DOCK2: variants seen among roughly 807,000 people sequenced by gnomAD.
DOCK2 encodes dedicator of cytokinesis 2, also known as dedicator of cytokinesis protein 2.
Under a neutral mutation model 248.9 loss-of-function variants are expected in DOCK2, and 87 were observed. That is an observed-to-expected ratio of 0.35 (90% CI 0.29 to 0.42). The LOEUF is 0.42. Ranked by LOEUF, DOCK2 falls within the 10% of genes least tolerant of loss-of-function variation. The pLI, the probability that DOCK2 is intolerant of heterozygous loss-of-function variation, is 1.00. For synonymous variants in DOCK2, 805 were observed against 821.6 expected, an observed-to-expected ratio of 0.98 and a Z score of 0.35; for missense variants, 1,747 against 2,300.2, an observed-to-expected ratio of 0.76 and a Z score of 4.92.
intron 27 of DOCK2, among the ~76,000 whole-genome samples, chr5:169,930,413 C>T (rs1355734463): frequency 2.0e-5 from 3 of 152,154 alleles, no homozygotes; most frequent in Non-Finnish European, 4.4e-5. Context: ...ACCTCAGAGC[C>T]TCTTAGGGTA....
chr5:169,964,319 G>A (rs1339474737), intron 27 of DOCK2, among the ~76,000 whole-genome samples: 1 of 152,124 alleles, frequency 6.6e-6, no homozygotes. Context: ...AAGTTGCTCC[G>A]CTCCCACCCC....
chr5:169,652,206 TG>T (rs1757846126), intron 1 of DOCK2, among the ~76,000 whole-genome samples: 1 of 152,222 alleles, frequency 6.6e-6, no homozygotes, highest in Non-Finnish European at 1.5e-5. Context: ...ATCCTTCCTC[TG>T]GTGGGCACAG....
intron 25 of DOCK2, among the ~76,000 whole-genome samples, chr5:169,778,710 A>T (rs997708876): frequency 3.9e-5 from 6 of 152,240 alleles, no homozygotes; most frequent in Non-Finnish European, 8.8e-5. Flanking sequence ...TTGAGCTGAA[A>T]GGAATGTTAG....
chr5:169,806,968 C>T (rs371112021), intron 26 of DOCK2, among the ~76,000 whole-genome samples: 11 of 150,962 alleles, frequency 7.3e-5, no homozygotes, highest in African/African-American at 1.7e-4. Context: ...TTCTTGGGTG[C>T]GGCACAAGAG....
intron 41 of DOCK2, among the ~76,000 whole-genome samples, chr5:170,051,863 C>G (rs563702543): frequency 2.6e-5 from 4 of 152,268 alleles, no homozygotes; most frequent in Admixed American, 2.6e-4. Context: ...AGAGAAGTAG[C>G]CAGCTCACTT....
At chr5:169,992,380 A>T (rs996428326) in intron 29 of DOCK2, among the ~76,000 whole-genome samples, 10 of 152,352 alleles carry the variant, frequency 6.6e-5, no homozygotes, top group Non-Finnish European at 1.0e-4. Context: ...GTTTTCAACA[A>T]TTCAGGTTCA....
At chr5:169,704,710 T>G (rs1761151861) in intron 14 of DOCK2, among the ~76,000 whole-genome samples, 1 of 152,098 alleles carries the variant, frequency 6.6e-6, no homozygotes, top group African/African-American at 2.4e-5. Context: ...ATGATGTGAT[T>G]TTTATGCATT....
chr5:169,805,157 T>G (rs185022407), intron 26 of DOCK2, among the ~76,000 whole-genome samples: 2 of 150,502 alleles, frequency 1.3e-5, no homozygotes, highest in Non-Finnish European at 3.0e-5. Flanking sequence ...GGGAGGAGGA[T>G]TACTTGAGGC....
intron 27 of DOCK2, among the ~76,000 whole-genome samples, chr5:169,945,669 A>G (rs1222276276): frequency 6.6e-6 from 1 of 152,186 alleles, no homozygotes; most frequent in Non-Finnish European, 1.5e-5. Flanking sequence ...CACGGGTACT[A>G]GGAAGGAGTA....
In DOCK2 at chr5:169,924,251, G is replaced by C. The variant is rs1026794001; in HGVS notation, c.2800-58817G>C. Among the ~76,000 whole-genome samples the C allele has an allele frequency of 3.3e-5, 5 of 152,140 alleles. No individual in the cohort carries two copies. The East Asian group carries it at 9.6e-4, about 29-fold the overall frequency. ...ACACACTAGCTCTGGCCCTGAGCTG[G>C]GAGTAAATGAGGTCAGGCCAAGAGA... On this transcript the variant is annotated intron_variant, in intron 27 of 51. Transcript: ENST00000520908.
rs540504179 is a variant in DOCK2 at position 170,081,428 on chromosome 5, C to T, written c.5288-414C>T. On this transcript the variant is annotated intron_variant, in intron 50 of 51. Transcript: ENST00000520908. ...GGCTGTAACCACTAGGTCATCTGGC[C>T]CCTCCACCAGGTGACACGTGGGTTT... 5.8e-5 allele frequency: 10 copies of T among 172,988 alleles called. No individual in the cohort carries two copies. The South Asian group carries it at 1.4e-3, about 25-fold the overall frequency. The allele number at this position is 172,988 out of a possible 1,614,324, so 10.7% of individuals were successfully genotyped here.
chr5:169,759,985 G>C (rs1420894933), intron 24 of DOCK2, among the ~76,000 whole-genome samples: 1 of 152,128 alleles, frequency 6.6e-6, no homozygotes, highest in African/African-American at 2.4e-5. Flanking sequence ...TGTATAATAA[G>C]CATCCCTCTT....
chr5:169,925,460 A>G (rs944585906), intron 27 of DOCK2, among the ~76,000 whole-genome samples: 13 of 151,872 alleles, frequency 8.6e-5, no homozygotes, highest in Admixed American at 5.9e-4. Context: ...TGCACCTGTA[A>G]TCCCAGCTAC....
rs759405150 is a variant in DOCK2, at chr5:170,045,902, C to G, written c.3963C>G (p.Asn1321Lys). 11 of 1,614,014 alleles carry G rather than the reference C, an allele frequency of 6.8e-6. No individual in the cohort carries two copies. Among genetic ancestry groups the G allele is most frequent in the Non-Finnish European group, 8.5e-6 (10 of 1,180,000 alleles). ...TTGACTATGAGCTGCTCAGCCAGAACCTGGTAAGGCATCCCCTGGGAAGGC... is the reference window on the plus strand; with the variant it reads ...TTGACTATGAGCTGCTCAGCCAGAAGCTGGTAAGGCATCCCCTGGGAAGGC... ...EIFDYELLSQNLIQQAKFYES... is the reference protein window; with the variant it reads ...EIFDYELLSQKLIQQAKFYES... The change falls in exon 39 of 52, where the codon AAC (asparagine) becomes AAG (lysine). Residue 1321 changes from asparagine (N) to lysine (K), a missense_variant. Physicochemically the swap from Asn to Lys is moderately conservative, Grantham distance 94. Transcript: ENST00000520908.
At chr5:170,064,952 A>G (rs1698464095) in intron 44 of DOCK2, among the ~76,000 whole-genome samples, 1 of 152,178 alleles carries the variant, frequency 6.6e-6, no homozygotes, top group Admixed American at 6.5e-5. Flanking sequence ...AAATAAGTAC[A>G]TTGTCAAATC....
Position 169,712,139 on chromosome 5 carries a change from G to T in DOCK2, c.1575G>T (p.Lys525Asn). 1.2e-6 allele frequency: 2 copies of T among 1,614,096 alleles called. No homozygotes were observed. Among genetic ancestry groups the T allele is most frequent in the Non-Finnish European group, 1.7e-6 (2 of 1,179,962 alleles). ...SSLESKDKGE[K>N]NFAMSYVKLM... The stretch of plus-strand genomic sequence containing the variant: ...TTCCAGCTAAAGATAAAGGAGAAAA[G>T]AACTTTGCCATGTCCTATGTGAAGC... Residue 525 changes from lysine (K) to asparagine (N), a missense_variant, in exon 17 of 52, where the codon AAG becomes AAT. Around this residue, in one of 4 missense-constraint regions of DOCK2, gnomAD observed 858 missense variants for 1,183.5 expected, o/e 0.72. Coordinates refer to ENST00000520908, the MANE Select transcript of DOCK2 (RefSeq NM_004946.3).
intron 26 of DOCK2, among the ~76,000 whole-genome samples, chr5:169,824,509 A>T (rs556897774): frequency 4.5e-4 from 68 of 152,350 alleles, no homozygotes; most frequent in Non-Finnish European, 5.7e-4. Context: ...CCTGAGAAAA[A>T]CAAGCAATGG....
At chr5:169,650,981 T>G (rs1268540504) in intron 1 of DOCK2, among the ~76,000 whole-genome samples, 1 of 152,194 alleles carries the variant, frequency 6.6e-6, no homozygotes, top group Non-Finnish European at 1.5e-5. Context: ...GGACAGGCAC[T>G]GGGCAGGGTG....
At chr5:170,036,675 C>T in intron 36 of DOCK2, 120 bp downstream of exon 36, 2 of 902,386 alleles carry the variant, frequency 2.2e-6, no homozygotes, top group South Asian at 3.7e-5. Context: ...CATTCAGGCC[C>T]TCTGTGTTCT....
Sources: allele counts gnomAD v4.1 joint callset (sites outside exome capture counted in the v4.1 genomes callset), GRCh38; gene constraint gnomAD v4.1.1; regional missense constraint gnomAD v4.1.1; transcripts MANE v1.5; gene names NCBI Gene and HGNC (gene_info 2026-07-23, HGNC 2026-07-21).